RNLS: variants seen among roughly 807,000 people sequenced by gnomAD.
RNLS encodes renalase.
In RNLS, 39 loss-of-function variants were observed where a neutral mutation model predicts 39.8. The observed-to-expected ratio is 0.98, with a 90% CI of 0.76 to 1.28. The LOEUF (loss-of-function observed/expected upper bound fraction) is 1.28. Ranked by LOEUF, RNLS falls within the 50% of genes most tolerant of loss-of-function variation. The probability of loss-of-function intolerance (pLI) is 0.00; values close to 1 mark genes in which losing one functional copy is unlikely to be tolerated. For missense variants in RNLS, 410 were observed against 413.3 expected (o/e 0.99, Z 0.07); for synonymous variants, 147 against 150.7 (o/e 0.98, Z 0.18).
intron 3 of RNLS, among the ~76,000 whole-genome samples, chr10:88,575,159 T>TATATATACACAC (rs1386414416): frequency 2.0e-3 from 88 of 43,386 alleles, no homozygotes; most frequent in African/African-American, 6.7e-3. Context: ...TATATATATA[T>TATATATACACAC]ACACACACAC....
At chr10:88,353,772 G>C (rs893714342) in intron 5 of RNLS, among the ~76,000 whole-genome samples, 1 of 152,030 alleles carries the variant, frequency 6.6e-6, no homozygotes, top group Non-Finnish European at 1.5e-5. Context: ...TCCTTGTTAA[G>C]TTTCTGTCTC....
At chr10:88,412,808 A>G (rs1365327553) in intron 4 of RNLS, among the ~76,000 whole-genome samples, 3 of 152,192 alleles carry the variant, frequency 2.0e-5, no homozygotes, top group African/African-American at 7.2e-5. Flanking sequence ...CAAAATAGTG[A>G]ACTACTCAAA....
intron 4 of RNLS, among the ~76,000 whole-genome samples, chr10:88,431,300 T>G (rs1009747807): frequency 6.6e-6 from 1 of 151,610 alleles, no homozygotes; most frequent in Non-Finnish European, 1.5e-5. Flanking sequence ...TATACCAGTA[T>G]CTCTACAGAC....
chr10:88,350,520 C>T (rs977704300), intron 5 of RNLS, among the ~76,000 whole-genome samples: 8 of 152,070 alleles, frequency 5.3e-5, no homozygotes, highest in South Asian at 4.2e-4. Context: ...CTGAGAATGA[C>T]GGTTTCCAGC....
At chr10:88,548,289 A>ACAAAAAAAAAAAAAAAAAAAAAAAAG (rs769088140) in intron 4 of RNLS, among the ~76,000 whole-genome samples, 1 of 80,246 alleles carries the variant, frequency 1.2e-5, no homozygotes, top group African/African-American at 6.6e-5. Context: ...AAAAAAAAAA[A>ACAAAAAAAAAAAAAAAAAAAAAAAAG]AAAAGAAAAG....
chr10:88,299,498 G>A (rs552376150), intron 6 of RNLS, among the ~76,000 whole-genome samples: 12 of 152,258 alleles, frequency 7.9e-5, no homozygotes, highest in African/African-American at 1.4e-4. Flanking sequence ...CGTGGCGTGC[G>A]CCTGTAATCC....
chr10:88,266,726 CA>C, the RNLS span, among the ~76,000 whole-genome samples: 7 of 149,924 alleles, frequency 4.7e-5, no homozygotes, highest in African/African-American at 1.5e-4. Context: ...CACACACACA[CA>C]CACACACACC....
chr10:88,300,354 A>G (rs1398366167), intron 6 of RNLS, among the ~76,000 whole-genome samples: 2 of 152,230 alleles, frequency 1.3e-5, no homozygotes, highest in Non-Finnish European at 2.9e-5. Context: ...ATGGTATACA[A>G]AAGTGCTACA....
chr10:88,319,753 A>T (rs999302816), intron 5 of RNLS, among the ~76,000 whole-genome samples: 5 of 152,100 alleles, frequency 3.3e-5, no homozygotes, highest in Non-Finnish European at 7.4e-5. Flanking sequence ...AGAATTTAGA[A>T]AAATGAAGAA....
intron 6 of RNLS, among the ~76,000 whole-genome samples, chr10:88,296,995 C>T (rs367757525): frequency 6.6e-6 from 1 of 152,072 alleles, no homozygotes; most frequent in Non-Finnish European, 1.5e-5. Context: ...CTTTTTATTA[C>T]TGAGTAGTTT....
the RNLS span, among the ~76,000 whole-genome samples, chr10:88,191,107 A>G: frequency 5.9e-5 from 9 of 152,154 alleles, no homozygotes; most frequent in Non-Finnish European, 1.2e-4. Context: ...CAGGATTCAC[A>G]TTCCCTTTTC....
intron 4 of RNLS, among the ~76,000 whole-genome samples, chr10:88,372,466 T>C (rs1850642601): frequency 6.6e-6 from 1 of 152,150 alleles, no homozygotes; most frequent in African/African-American, 2.4e-5. Context: ...CCCAATCATA[T>C]GAAGTCTGCT....
chr10:88,216,589 C>T, the RNLS span, among the ~76,000 whole-genome samples: 1 of 152,098 alleles, frequency 6.6e-6, no homozygotes, highest in Admixed American at 6.5e-5. Context: ...GGTCACACAC[C>T]CACATCCTAA....
At chr10:88,262,552 A>G in the RNLS span, among the ~76,000 whole-genome samples, 1 of 152,104 alleles carries the variant, frequency 6.6e-6, no homozygotes, top group African/African-American at 2.4e-5. Context: ...ATTGGCTACT[A>G]GTTTTCAGGG....
At chr10:88,576,987 G>A (rs1390080757) in intron 3 of RNLS, among the ~76,000 whole-genome samples, 1 of 152,096 alleles carries the variant, frequency 6.6e-6, no homozygotes, top group Non-Finnish European at 1.5e-5. Context: ...TCTGTGTCCT[G>A]GAAGCTAAAT....
chr10:88,444,571 G>A (rs1841930240), intron 4 of RNLS, among the ~76,000 whole-genome samples: 1 of 151,822 alleles, frequency 6.6e-6, no homozygotes, highest in Non-Finnish European at 1.5e-5. Flanking sequence ...TAAAAACCTT[G>A]AAAAAAAATT....
chr10:88,502,616 C>A (rs377203147), intron 4 of RNLS, among the ~76,000 whole-genome samples: 1 of 152,134 alleles, frequency 6.6e-6, no homozygotes, highest in South Asian at 2.1e-4. Context: ...ACATTACCCA[C>A]CCTCAGGTAT....
chr10:88,542,537 C>A (rs1848100761), intron 4 of RNLS, among the ~76,000 whole-genome samples: 1 of 151,992 alleles, frequency 6.6e-6, no homozygotes, highest in East Asian at 1.9e-4. Flanking sequence ...TTGTCCATGT[C>A]ACAGAAAAGG....
chr10:88,172,511 T>C, the RNLS span, among the ~76,000 whole-genome samples: 1 of 152,190 alleles, frequency 6.6e-6, no homozygotes, highest in Non-Finnish European at 1.5e-5. Flanking sequence ...CTTTCTCCAT[T>C]TTTAGACTGG....
Sources: allele counts gnomAD v4.1 joint callset (sites outside exome capture counted in the v4.1 genomes callset), GRCh38; gene constraint gnomAD v4.1.1; transcripts MANE v1.5; gene names NCBI Gene and HGNC (gene_info 2026-07-23, HGNC 2026-07-21).